TUBGCP3: variants seen among roughly 807,000 people sequenced by gnomAD.
The protein encoded by TUBGCP3 is gamma-tubulin complex component 3.
In TUBGCP3, 50 loss-of-function variants were observed where a neutral mutation model predicts 123.1. The observed-to-expected ratio is 0.41, with a 90% confidence interval of 0.32 to 0.51. TUBGCP3 has a LOEUF of 0.51. TUBGCP3 is among the 20% of genes least tolerant of loss of function. The pLI, the probability that TUBGCP3 is intolerant of heterozygous loss-of-function variation, is 0.36. For missense variants in TUBGCP3, 882 were observed against 1,127.0 expected, an observed-to-expected ratio of 0.78 and a Z score of 3.11; for synonymous variants, 405 against 413.9, an observed-to-expected ratio of 0.98 and a Z score of 0.26.
chr13:112,506,364 C>G (rs1409828425), intron 17 of TUBGCP3, among the ~76,000 whole-genome samples: 1 of 152,228 alleles, frequency 6.6e-6, no homozygotes, highest in African/African-American at 2.4e-5. Flanking sequence ...ACTGATGTAT[C>G]AGAGGCATAT....
chr13:112,555,276 C>G (rs1594192812), intron 6 of TUBGCP3, among the ~76,000 whole-genome samples: 1 of 152,172 alleles, frequency 6.6e-6, no homozygotes, highest in African/African-American at 2.4e-5. Flanking sequence ...GGGAGCCACA[C>G]ACAGGGACAG....
rs575138651 is a variant in TUBGCP3, at chr13:112,576,429, C to T, written c.77-7170G>A. On this transcript the variant is annotated intron_variant, in intron 1 of 21. Coordinates refer to ENST00000261965, the MANE Select transcript of TUBGCP3 (RefSeq NM_006322.6). Reference sequence around the variant, plus strand: ...GGAGACCTAACACACAGCATGGGGACGGTAGTTAATGACAATAGATTGTGT... The same window carrying T: ...GGAGACCTAACACACAGCATGGGGATGGTAGTTAATGACAATAGATTGTGT... Among the ~76,000 whole-genome samples the T allele has an allele frequency of 1.2e-4, 18 of 152,094 alleles. No individual in the cohort carries two copies. In the South Asian group the frequency reaches 2.3e-3, roughly 19 times the overall value.
intron 20 of TUBGCP3, among the ~76,000 whole-genome samples, chr13:112,496,024 T>C (rs909513359): frequency 4.6e-5 from 7 of 152,200 alleles, no homozygotes; most frequent in African/African-American, 1.7e-4. Flanking sequence ...TTCAAAACTA[T>C]ACTGTTCCCA....
intron 8 of TUBGCP3, 85 bp downstream of exon 8, chr13:112,553,972 G>A: frequency 6.5e-7 from 1 of 1,543,048 alleles, no homozygotes; most frequent in Non-Finnish European, 8.7e-7. Flanking sequence ...GCCTTAGAAG[G>A]AGCTATTTCA....
At chr13:112,492,543 G>A (rs1020420462) in intron 20 of TUBGCP3, among the ~76,000 whole-genome samples, 8 of 152,240 alleles carry the variant, frequency 5.3e-5, no homozygotes, top group South Asian at 2.1e-4. Context: ...TCTCCCCCCA[G>A]AGGAGCCCTG....
At chr13:112,579,797 G>A (rs901791400) in intron 1 of TUBGCP3, among the ~76,000 whole-genome samples, 1 of 152,240 alleles carries the variant, frequency 6.6e-6, no homozygotes, top group East Asian at 1.9e-4. Flanking sequence ...AAAACAATGA[G>A]CATGCACCTG....
At chr13:112,558,119 T>A in intron 5 of TUBGCP3, 77 bp downstream of exon 5, 1 of 1,469,940 alleles carries the variant, frequency 6.8e-7, no homozygotes, top group Non-Finnish European at 9.1e-7. Context: ...TGGGTGAACA[T>A]CAATGTCTGG....
At chr13:112,557,170 G>T (rs1330692419) in intron 5 of TUBGCP3, among the ~76,000 whole-genome samples, 1 of 152,174 alleles carries the variant, frequency 6.6e-6, no homozygotes, top group South Asian at 2.1e-4. Context: ...TCAGTTCAAA[G>T]TTCTCTATAC....
At chr13:112,515,553 T>G (rs1180736440) in intron 17 of TUBGCP3, among the ~76,000 whole-genome samples, 3 of 152,122 alleles carry the variant, frequency 2.0e-5, no homozygotes, top group Non-Finnish European at 4.4e-5. Context: ...ACGGCCCTCC[T>G]CCCGCCTCCC....
rs933143080 is a variant in TUBGCP3 at position 112,553,154 on chromosome 13, C to T, written c.966+903G>A. Among the ~76,000 whole-genome samples the T allele has an allele frequency of 2.0e-5, 3 of 151,760 alleles. No individual in the cohort carries two copies. The South Asian group carries it at 6.3e-4, about 32-fold the overall frequency. On this transcript the variant is annotated intron_variant, in intron 8 of 21. Coordinates refer to ENST00000261965, the MANE Select transcript of TUBGCP3 (RefSeq NM_006322.6). ...TAATCACCAGCCATGTTCTTACCCA[C>T]TAGCCACACTGCCACACCAAGTGCC... is the stretch of plus-strand genomic sequence containing the variant.
At chr13:112,554,854 G>C in intron 7 of TUBGCP3, 33 bp downstream of exon 7, 1 of 1,471,986 alleles carries the variant, frequency 6.8e-7, no homozygotes, top group Non-Finnish European at 9.3e-7. Context: ...TTTTCTTTCT[G>C]AATATTTTAA....
intron 1 of TUBGCP3, among the ~76,000 whole-genome samples, chr13:112,576,500 CACAA>C (rs1462168563): frequency 6.6e-6 from 1 of 152,136 alleles, no homozygotes; most frequent in Non-Finnish European, 1.5e-5. Flanking sequence ...TCACCACACA[CACAA>C]ACACACACAA....
chr13:112,589,239 A>G (rs565593812), upstream of TUBGCP3, among the ~76,000 whole-genome samples: 23 of 152,332 alleles, frequency 1.5e-4, no homozygotes, highest in African/African-American at 5.5e-4. Flanking sequence ...GCATACTACA[A>G]TGTCCAGATG....
At chr13:112,575,092 G>A (rs776190381) in intron 1 of TUBGCP3, among the ~76,000 whole-genome samples, 9 of 152,224 alleles carry the variant, frequency 5.9e-5, no homozygotes, top group Middle Eastern at 3.2e-3. Context: ...AAGGCTGGCA[G>A]GCTGGGGGTT....
intron 19 of TUBGCP3, 36 bp from the exon 20 acceptor site, chr13:112,499,221 C>A: frequency 6.4e-7 from 1 of 1,558,124 alleles, no homozygotes; most frequent in Non-Finnish European, 8.7e-7. Context: ...AATAGAGCCT[C>A]AACCAGCTAA....
chr13:112,522,895 T>G (rs1876739055), intron 13 of TUBGCP3, among the ~76,000 whole-genome samples: 1 of 152,214 alleles, frequency 6.6e-6, no homozygotes, highest in Non-Finnish European at 1.5e-5. Flanking sequence ...CACATGCAAA[T>G]AAGCTTTGTG....
chr13:112,532,473 C>T (rs190899591), intron 11 of TUBGCP3, among the ~76,000 whole-genome samples: 1 of 152,320 alleles, frequency 6.6e-6, no homozygotes, highest in East Asian at 1.9e-4. Flanking sequence ...TTAATTTTAA[C>T]TTGACCCATC....
intron 1 of TUBGCP3, among the ~76,000 whole-genome samples, chr13:112,580,447 T>C (rs1182471185): frequency 6.6e-6 from 1 of 151,620 alleles, no homozygotes; most frequent in Non-Finnish European, 1.5e-5. Flanking sequence ...GCCTGGACAA[T>C]ACAGCAAGAT....
intron 19 of TUBGCP3, among the ~76,000 whole-genome samples, chr13:112,501,013 A>G (rs1210412213): frequency 6.6e-6 from 1 of 152,262 alleles, no homozygotes; most frequent in Non-Finnish European, 1.5e-5. Context: ...GGCAGTGAAC[A>G]GCCCATGCTC....
Sources: gnomAD v4.1 joint callset for allele counts (sites outside exome capture counted in the v4.1 genomes callset) on GRCh38, gnomAD v4.1.1 for gene constraint, MANE v1.5 for transcripts, NCBI Gene and HGNC (gene_info 2026-07-23, HGNC 2026-07-21) for gene names.